The following PCDHGA1 variants were observed in gnomAD, a reference collection of about 807,000 sequenced individuals.
PCDHGA1 encodes protocadherin gamma-A1.
In PCDHGA1, 32 loss-of-function variants were observed where a neutral mutation model predicts 58.0. The ratio of observed to expected loss-of-function variants is 0.55; its 90% confidence interval spans 0.42 to 0.74. The LOEUF (loss-of-function observed/expected upper bound fraction) is 0.74. Among genes scored for constraint, PCDHGA1 ranks in the 30% least tolerant of loss-of-function variants. The probability of loss-of-function intolerance (pLI) is 0.00; values close to 1 mark genes in which losing one functional copy is unlikely to be tolerated. For synonymous variants in PCDHGA1, 498 were observed against 501.1 expected, an observed-to-expected ratio of 0.99 and a Z score of 0.08; for missense variants, 1,205 against 1,182.3, an observed-to-expected ratio of 1.02 and a Z score of -0.28.
intron 2 of PCDHGA1, among the ~76,000 whole-genome samples, chr5:141,503,388 A>C (rs1456500896): frequency 6.6e-6 from 1 of 152,004 alleles, no homozygotes; most frequent in East Asian, 1.9e-4. Flanking sequence ...TGAGGTCAGG[A>C]GTTCGAAACC....
rs1023591745 is a variant in PCDHGA1 at position 141,432,912 on chromosome 5, G to T, written c.2422-61895G>T. 2.5e-6 allele frequency: 4 copies of T among 1,614,160 alleles called. No individual in the cohort carries two copies. Among genetic ancestry groups the T allele is most frequent in the Non-Finnish European group, 3.4e-6 (4 of 1,180,012 alleles). On this transcript the variant is annotated intron_variant, in intron 1 of 3. Transcript: ENST00000517417. The surrounding 1 kb of genome is among the most constrained non-coding windows in gnomAD (Gnocchi z 6.0). Reference sequence around the variant, plus strand: ...TTGCTGCTGGCGCTCAGGCTGCGGCGCTGGCACAAGTCACGCCTGCTGCAG... The same window carrying T: ...TTGCTGCTGGCGCTCAGGCTGCGGCTCTGGCACAAGTCACGCCTGCTGCAG...
intron 1 of PCDHGA1, chr5:141,344,199 C>A: frequency 6.2e-7 from 1 of 1,614,030 alleles, no homozygotes; most frequent in South Asian, 1.1e-5. Context: ...GGGGCTAGAG[C>A]CCCGGGAGCT....
chr5:141,402,071 A>G, intron 1 of PCDHGA1, among the ~76,000 whole-genome samples: 2 of 152,340 alleles, frequency 1.3e-5, no homozygotes, highest in Middle Eastern at 3.4e-3. Context: ...AAAACTAAGC[A>G]TTTTTGAAAT....
At chr5:141,377,254 T>A (rs1332272982) in intron 1 of PCDHGA1, 1 of 149,056 alleles carries the variant, frequency 6.7e-6, no homozygotes, top group Non-Finnish European at 1.5e-5. Flanking sequence ...TGTAAGGTTC[T>A]TTCTTTTTCT....
chr5:141,407,703 G>A (rs1016806853), intron 1 of PCDHGA1, among the ~76,000 whole-genome samples: 26 of 152,096 alleles, frequency 1.7e-4, no homozygotes, highest in African/African-American at 6.3e-4. Flanking sequence ...ATTGTTGAAG[G>A]TGGGGTGATG....
intron 1 of PCDHGA1, chr5:141,410,207 C>T: frequency 6.2e-7 from 1 of 1,614,024 alleles, no homozygotes; most frequent in African/African-American, 1.3e-5. Context: ...AGACAACTTG[C>T]AAGAGATACT....
chr5:141,332,308 C>T lies in PCDHGA1; in HGVS notation c.1624C>T (p.Leu542Phe). Residue 542 changes from leucine (L) to phenylalanine (F), a missense_variant, in exon 1 of 4, where the codon CTC becomes TTC. By Grantham distance (22) the Leu-to-Phe change is conservative. Coordinates refer to ENST00000517417, the MANE Select transcript of PCDHGA1 (RefSeq NM_018912.3). This position sits in a 1 kb window ranked among gnomAD's most constrained non-coding sequence, Gnocchi z 4.6. Reference protein sequence around the residue: ...VMARDSGDPPLSSNVSLSLFL... With the variant: ...VMARDSGDPPFSSNVSLSLFL... ...GGCGCGGGACAGTGGGGATCCGCCCCTCAGCAGCAACGTGTCTCTCAGCCT... is the reference window on the plus strand; with the variant it reads ...GGCGCGGGACAGTGGGGATCCGCCCTTCAGCAGCAACGTGTCTCTCAGCCT... 2 of 1,614,242 alleles carry T rather than the reference C, an allele frequency of 1.2e-6. No homozygotes were observed. The highest frequency in any genetic ancestry group is 1.7e-6 in the Non-Finnish European group (2 of 1,180,042).
At chr5:141,361,319 A>T in intron 1 of PCDHGA1, 1 of 1,613,956 alleles carries the variant, frequency 6.2e-7, no homozygotes, top group Non-Finnish European at 8.5e-7. Flanking sequence ...TTTATTTTGA[A>T]ATCTTCCTCA....
intron 1 of PCDHGA1, among the ~76,000 whole-genome samples, chr5:141,468,868 A>T (rs1006995156): frequency 9.2e-5 from 14 of 151,794 alleles, no homozygotes; most frequent in African/African-American, 2.4e-4. Flanking sequence ...TCCATCTCAA[A>T]AATAATAATA....
Position 141,366,878 on chromosome 5 carries a change from AT to A in PCDHGA1, c.2421+33781del, listed in dbSNP as rs994289295. On this transcript the variant is annotated intron_variant, in intron 1 of 3. Coordinates refer to ENST00000517417, the MANE Select transcript of PCDHGA1 (RefSeq NM_018912.3). ...ACATTATTTGCTGTATTGGAGATTA[AT>A]TTTTTTTATATAATTCATGCTTTCT... 7.2e-5 allele frequency: 96 copies of A among 1,341,212 alleles called. No homozygotes were observed. In the Middle Eastern group the frequency reaches 7.6e-4, roughly 11 times the overall value. 83.1% of individuals were successfully genotyped at this position (1,341,212 alleles called of 1,614,324 possible).
rs1368226100 is a variant in PCDHGA1, at chr5:141,511,268, C to T, written c.*95C>T. The stretch of plus-strand genomic sequence containing the variant: ...CAGGCCTCAGAGTTTCAGGGCTAAC[C>T]CCCAGAATACTGGTAGGGGCCAAGG... On this transcript the variant is annotated 3_prime_UTR_variant, in exon 4 of 4. Coordinates refer to ENST00000517417, the MANE Select transcript of PCDHGA1 (RefSeq NM_018912.3). 1.9e-6 allele frequency: 3 copies of T among 1,546,408 alleles called. No individual in the cohort carries two copies. The highest frequency in any genetic ancestry group is 2.4e-5 in the East Asian group (1 of 41,246).
chr5:141,489,944 T>A lies in PCDHGA1; in HGVS notation c.2422-4863T>A. On this transcript the variant is annotated intron_variant, in intron 1 of 3. Coordinates refer to ENST00000517417, the MANE Select transcript of PCDHGA1 (RefSeq NM_018912.3). The surrounding 1 kb of genome is among the most constrained non-coding windows in gnomAD (Gnocchi z 4.5). ...CTTATCTCTGTCATCGTGCTGGACA[T>A]CAATGATAATGCTCCAACCTTCCAA... 1 of 1,614,172 alleles carries A rather than the reference T, an allele frequency of 6.2e-7. No individual in the cohort carries two copies. The highest frequency in any genetic ancestry group is 8.5e-7 in the Non-Finnish European group (1 of 1,180,010).
At chr5:141,345,975 G>A (rs1415357777) in intron 1 of PCDHGA1, 2 of 1,613,514 alleles carry the variant, frequency 1.2e-6, no homozygotes, top group South Asian at 2.2e-5. Flanking sequence ...GGCCGTCCAG[G>A]ACCACGGCCA....
At chr5:141,352,662 C>G in intron 1 of PCDHGA1, 2 of 1,591,142 alleles carry the variant, frequency 1.3e-6, no homozygotes, top group Non-Finnish European at 1.7e-6. Context: ...CCTTCTTTGT[C>G]TTCGCACGTG....
rs1364068033 is a variant in PCDHGA1 at position 141,490,353 on chromosome 5, G to A, written c.2422-4454G>A. 3.1e-6 allele frequency: 5 copies of A among 1,614,090 alleles called. No individual in the cohort carries two copies. The highest frequency in any genetic ancestry group is 4.2e-6 in the Non-Finnish European group (5 of 1,180,046). On this transcript the variant is annotated intron_variant, in intron 1 of 3. Transcript: ENST00000517417. This position sits in a 1 kb window ranked among gnomAD's most constrained non-coding sequence, Gnocchi z 5.4. ...CACCAGTGGGCACAGTAGTGGGGTT[G>A]TTTAATGTGCGAGACCGGGACTCAG...
In PCDHGA1 at chr5:141,388,603, C is replaced by T. The variant is rs558931275; in HGVS notation, c.2421+55498C>T. The T allele has an allele frequency of 6.9e-5, 111 of 1,613,860 alleles. 1 individual carries two copies. The South Asian group carries it at 1.2e-3, about 18-fold the overall frequency. ...GTGACTGATGCCAATGATAATGCTCCAGTGTTCAGTCAAGACGTATACAGG... is the reference window on the plus strand; with the variant it reads ...GTGACTGATGCCAATGATAATGCTCTAGTGTTCAGTCAAGACGTATACAGG... On this transcript the variant is annotated intron_variant, in intron 1 of 3. Transcript: ENST00000517417.
intron 1 of PCDHGA1, chr5:141,370,265 A>T: frequency 2.6e-6 from 2 of 758,286 alleles, no homozygotes; most frequent in South Asian, 4.5e-5. Flanking sequence ...GGCTTCCTGC[A>T]GCGGAGACAC....
At chr5:141,375,677 G>C (rs1171088976) in intron 1 of PCDHGA1, 2 of 1,614,236 alleles carry the variant, frequency 1.2e-6, no homozygotes, top group African/African-American at 2.7e-5. Flanking sequence ...ACAGCTGTGG[G>C]TGACAGCCAG....
At chr5:141,394,150 A>G in intron 1 of PCDHGA1, 3 of 1,613,916 alleles carry the variant, frequency 1.9e-6, no homozygotes, top group East Asian at 2.2e-5. Context: ...GCAGACATTA[A>G]CGACAACCCT....
Sources: gnomAD v4.1 joint callset for allele counts (sites outside exome capture counted in the v4.1 genomes callset) on GRCh38, gnomAD v4.1.1 for gene constraint, Gnocchi (gnomAD v3.1) non-coding constraint, MANE v1.5 for transcripts, NCBI Gene and HGNC (gene_info 2026-07-23, HGNC 2026-07-21) for gene names.